The following NAALADL2 variants were observed in gnomAD, a reference collection of about 807,000 sequenced individuals.
The protein encoded by NAALADL2 is N-acetylated alpha-linked acidic dipeptidase like 2.
In NAALADL2, 76 loss-of-function variants were observed where a neutral mutation model predicts 87.2. The observed-to-expected ratio is 0.87, with a 90% CI of 0.72 to 1.05. NAALADL2 has a LOEUF of 1.05. Among genes scored for constraint, NAALADL2 ranks in the 50% least tolerant of loss-of-function variants. NAALADL2 has a pLI of 0.00. For synonymous variants in NAALADL2, 354 were observed against 331.0 expected, an observed-to-expected ratio of 1.07 and a Z score of -0.75; for missense variants, 1,089 against 945.8, an observed-to-expected ratio of 1.15 and a Z score of -1.99.
chr3:175,796,498 T>C (rs1332029338), intron 13 of NAALADL2, among the ~76,000 whole-genome samples: 1 of 152,154 alleles, frequency 6.6e-6, no homozygotes, highest in African/African-American at 2.4e-5. Context: ...CAAATTTAGC[T>C]CAAAGGATAT....
intron 4 of NAALADL2, among the ~76,000 whole-genome samples, chr3:175,279,008 G>GT (rs1753945256): frequency 1.3e-5 from 2 of 152,102 alleles, no homozygotes; most frequent in African/African-American, 4.8e-5. Flanking sequence ...TGAGCATACG[G>GT]TTTTTTCTCT....
chr3:174,567,392 C>T (rs946379619), intron 2 of NAALADL2, among the ~76,000 whole-genome samples: 20 of 151,234 alleles, frequency 1.3e-4, no homozygotes, highest in African/African-American at 4.8e-4. Flanking sequence ...ATAAAATAAA[C>T]AAATTTTTTC....
intron 3 of NAALADL2, among the ~76,000 whole-genome samples, chr3:174,795,439 G>T (rs181785153): frequency 8.8e-4 from 134 of 152,144 alleles, no homozygotes; most frequent in Non-Finnish European, 1.5e-3. Flanking sequence ...CCATTGCATG[G>T]TAGACAGATA....
chr3:174,546,530 C>G (rs1203916050), intron 1 of NAALADL2, among the ~76,000 whole-genome samples: 6 of 152,182 alleles, frequency 3.9e-5, no homozygotes, highest in African/African-American at 1.4e-4. Context: ...TTCTGTGATA[C>G]AAACTGACAT....
chr3:175,046,612 C>G (rs1335384629), intron 1 of NAALADL2, among the ~76,000 whole-genome samples: 1 of 152,142 alleles, frequency 6.6e-6, no homozygotes, highest in African/African-American at 2.4e-5. Context: ...ATCTGTTGCT[C>G]TGCGACAGCA....
chr3:175,479,720 A>G (rs567851672), intron 9 of NAALADL2, among the ~76,000 whole-genome samples: 1 of 151,830 alleles, frequency 6.6e-6, no homozygotes, highest in Non-Finnish European at 1.5e-5. Context: ...CTGCAAATTT[A>G]TAGCCTTAAG....
intron 1 of NAALADL2, among the ~76,000 whole-genome samples, chr3:174,476,016 C>T (rs1022591872): frequency 3.3e-5 from 5 of 151,970 alleles, no homozygotes; most frequent in African/African-American, 4.8e-5. Flanking sequence ...AAAATTAACA[C>T]TAAAATATTA....
chr3:175,425,872 C>T (rs1034466226), intron 5 of NAALADL2, among the ~76,000 whole-genome samples: 1 of 151,716 alleles, frequency 6.6e-6, no homozygotes, highest in African/African-American at 2.4e-5. Context: ...TCTAATGTAT[C>T]CCCTTGTTTT....
intron 2 of NAALADL2, among the ~76,000 whole-genome samples, chr3:175,166,431 T>C (rs1410475239): frequency 6.6e-6 from 1 of 152,110 alleles, no homozygotes; most frequent in Non-Finnish European, 1.5e-5. Context: ...CAAATACCGC[T>C]AGCTGCCTTT....
intron 9 of NAALADL2, among the ~76,000 whole-genome samples, chr3:175,487,163 G>T (rs545383904): frequency 6.6e-5 from 10 of 152,148 alleles, no homozygotes; most frequent in African/African-American, 2.4e-4. Flanking sequence ...TCTCCCCTTT[G>T]CTCACTCTGT....
At chr3:175,605,652 TTTTTA>T in intron 10 of NAALADL2, among the ~76,000 whole-genome samples, 1 of 150,724 alleles carries the variant, frequency 6.6e-6, no homozygotes, top group African/African-American at 2.4e-5. Flanking sequence ...TTTTTTTTTT[TTTTTA>T]ACTGTATTTA....
chr3:175,144,457 T>C (rs1408090169), intron 2 of NAALADL2, among the ~76,000 whole-genome samples: 1 of 152,008 alleles, frequency 6.6e-6, no homozygotes, highest in African/African-American at 2.4e-5. Context: ...TGTTTATTTT[T>C]TCTTCTGATT....
At chr3:174,771,505 G>A (rs1714550567) in intron 3 of NAALADL2, among the ~76,000 whole-genome samples, 1 of 152,204 alleles carries the variant, frequency 6.6e-6, no homozygotes, top group Non-Finnish European at 1.5e-5. Flanking sequence ...CTTGGTTAGG[G>A]TGTAGAGAGA....
chr3:175,546,900 T>C (rs1345533047), intron 9 of NAALADL2, among the ~76,000 whole-genome samples: 1 of 152,062 alleles, frequency 6.6e-6, no homozygotes, highest in Non-Finnish European at 1.5e-5. Flanking sequence ...TACAAACCAC[T>C]GCTCAAATAA....
chr3:175,456,609 TC>T (rs1722359023), intron 6 of NAALADL2, among the ~76,000 whole-genome samples: 2 of 152,082 alleles, frequency 1.3e-5, no homozygotes, highest in African/African-American at 4.8e-5. Context: ...AAGTATTTTT[TC>T]TTAACTACTC....
At chr3:174,726,567 A>C (rs1248164636) in intron 2 of NAALADL2, among the ~76,000 whole-genome samples, 5 of 152,078 alleles carry the variant, frequency 3.3e-5, no homozygotes, top group African/African-American at 4.8e-5. Context: ...GCCCATTCCG[A>C]ATCCCAGCCC....
chr3:175,391,174 C>G (rs1260643686), intron 5 of NAALADL2, among the ~76,000 whole-genome samples: 1 of 152,128 alleles, frequency 6.6e-6, no homozygotes, highest in East Asian at 1.9e-4. Flanking sequence ...TTTAGCATGT[C>G]GAGATTCCCT....
chr3:174,774,966 C>T (rs537340725), intron 3 of NAALADL2, among the ~76,000 whole-genome samples: 2 of 152,158 alleles, frequency 1.3e-5, no homozygotes, highest in South Asian at 2.1e-4. Flanking sequence ...AAAAGTTAGG[C>T]TGTTCTGCTT....
chr3:175,253,531 C>G (rs1749417312), intron 3 of NAALADL2, among the ~76,000 whole-genome samples: 1 of 152,172 alleles, frequency 6.6e-6, no homozygotes, highest in Non-Finnish European at 1.5e-5. Context: ...AACACAACAT[C>G]CATTCTACAG....
Sources: gnomAD v4.1 joint callset for allele counts (sites outside exome capture counted in the v4.1 genomes callset) on GRCh38, gnomAD v4.1.1 for gene constraint, MANE v1.5 for transcripts, NCBI Gene and HGNC (gene_info 2026-07-23, HGNC 2026-07-21) for gene names.